The following NUDT3 variants were observed in gnomAD, a reference collection of about 807,000 sequenced individuals.
NUDT3 encodes diphosphoinositol polyphosphate phosphohydrolase 1.
In NUDT3, 9 loss-of-function variants were observed where a neutral mutation model predicts 23.6. That is an observed-to-expected ratio of 0.38 (90% CI 0.23 to 0.66). The LOEUF (loss-of-function observed/expected upper bound fraction) is 0.66. Ranked by LOEUF, NUDT3 falls within the 30% of genes least tolerant of loss-of-function variation. NUDT3 has a pLI of 0.52. For synonymous variants in NUDT3, 86 were observed against 82.6 expected (o/e 1.04, Z -0.22); for missense variants, 172 against 218.5 (o/e 0.79, Z 1.34).
At chr6:34,294,437 T>G (rs1252207974) in intron 3 of NUDT3, among the ~76,000 whole-genome samples, 4 of 151,892 alleles carry the variant, frequency 2.6e-5, no homozygotes, top group African/African-American at 9.7e-5. Context: ...TTAAAAAAAT[T>G]TATTTATTGC....
At chr6:34,359,435 C>T (rs148637785) in intron 1 of NUDT3, among the ~76,000 whole-genome samples, 108 of 152,240 alleles carry the variant, frequency 7.1e-4, no homozygotes, top group African/African-American at 2.6e-3. Flanking sequence ...CTGTCCCCAT[C>T]CTCCCACTTC....
chr6:34,390,445 T>C (rs1208730646), intron 1 of NUDT3, among the ~76,000 whole-genome samples: 3 of 152,076 alleles, frequency 2.0e-5, no homozygotes, highest in Admixed American at 6.6e-5. Context: ...TAACAGAAAA[T>C]GGAAAATTAA....
intron 2 of NUDT3, 136 bp from the exon 3 acceptor site, chr6:34,295,821 G>A: frequency 1.0e-6 from 1 of 965,738 alleles, no homozygotes; most frequent in Non-Finnish European, 1.5e-6. Context: ...GATCTGTGAA[G>A]TGATACCAGT....
intron 1 of NUDT3, among the ~76,000 whole-genome samples, chr6:34,377,093 G>A (rs1232977151): frequency 6.6e-5 from 10 of 152,084 alleles, no homozygotes; most frequent in Admixed American, 5.2e-4. Context: ...GAAGCACTCC[G>A]GAAGCACAGC....
chr6:34,300,583 C>T (rs924470618), intron 2 of NUDT3, among the ~76,000 whole-genome samples: 4 of 152,200 alleles, frequency 2.6e-5, no homozygotes, highest in Admixed American at 2.6e-4. Context: ...CCTGTACTTC[C>T]TTGTCAAGTG....
At chr6:34,348,036 T>C (rs974051622) in intron 1 of NUDT3, among the ~76,000 whole-genome samples, 1 of 151,918 alleles carries the variant, frequency 6.6e-6, no homozygotes, top group Admixed American at 6.6e-5. Flanking sequence ...CAGTGGCTCA[T>C]GCCTGTAATC....
intron 1 of NUDT3, among the ~76,000 whole-genome samples, chr6:34,345,919 C>A (rs934118176): frequency 6.6e-6 from 1 of 151,980 alleles, no homozygotes; most frequent in Non-Finnish European, 1.5e-5. Context: ...CAGGAATGCA[C>A]CACCACGCCC....
intron 2 of NUDT3, among the ~76,000 whole-genome samples, chr6:34,334,247 T>G (rs1200086198): frequency 6.6e-6 from 1 of 152,206 alleles, no homozygotes; most frequent in Non-Finnish European, 1.5e-5. Context: ...CACATTGCAG[T>G]TGCATTTCTG....
intron 1 of NUDT3, among the ~76,000 whole-genome samples, chr6:34,351,225 A>AAAAAC (rs1764469392): frequency 7.3e-6 from 1 of 136,188 alleles, no homozygotes; most frequent in Non-Finnish European, 1.5e-5. Context: ...AAAAAAAAAA[A>AAAAAC]ACACTTTGGG....
At chr6:34,388,629 T>C (rs1765148009) in intron 1 of NUDT3, among the ~76,000 whole-genome samples, 1 of 152,172 alleles carries the variant, frequency 6.6e-6, no homozygotes, top group African/African-American at 2.4e-5. Flanking sequence ...GATTATTCTG[T>C]GGTCCAAAAT....
In NUDT3 at chr6:34,292,161, A is replaced by C. The variant is rs574780557; in HGVS notation, c.340+1290T>G. Among the ~76,000 whole-genome samples the C allele has an allele frequency of 3.9e-5, 6 of 152,298 alleles. No homozygotes were observed. In the South Asian group the frequency reaches 1.2e-3, roughly 32 times the overall value. ...CACCGCAGTCTCCTTTTCAAGCTCT[A>C]GCACACCTGTTAGGGAGTCTGTTTT... is the stretch of plus-strand genomic sequence containing the variant. On this transcript the variant is annotated intron_variant, in intron 4 of 4. Transcript: ENST00000607016.
chr6:34,341,722 G>A (rs1446116988), intron 2 of NUDT3, 140 bp downstream of exon 2: 1 of 622,582 alleles, frequency 1.6e-6, no homozygotes, highest in Non-Finnish European at 2.6e-6. Context: ...GGTAATAAAG[G>A]AGGGACCGGA....
chr6:34,365,491 GA>G (rs1764713550), intron 1 of NUDT3, among the ~76,000 whole-genome samples: 1 of 152,248 alleles, frequency 6.6e-6, no homozygotes, highest in East Asian at 1.9e-4. Context: ...AAAAAGGAAT[GA>G]GATTCTGACA....
In NUDT3 at chr6:34,340,393, C is replaced by T. The variant is rs528208753; in HGVS notation, c.210+1469G>A. ...TTCATACTCATGTTCTCGTTTGAACCTCATATTCCCCTCCCCTCCCTCCAT... is the reference window on the plus strand; with the variant it reads ...TTCATACTCATGTTCTCGTTTGAACTTCATATTCCCCTCCCCTCCCTCCAT... On this transcript the variant is annotated intron_variant, in intron 2 of 4. Transcript: ENST00000607016. Among the ~76,000 whole-genome samples, 3 of 152,304 alleles carry T rather than the reference C, an allele frequency of 2.0e-5. 1 individual carries two copies. The South Asian group carries it at 6.2e-4, about 32-fold the overall frequency.
intron 2 of NUDT3, among the ~76,000 whole-genome samples, chr6:34,308,847 T>C (rs1763724606): frequency 6.6e-6 from 1 of 152,224 alleles, no homozygotes; most frequent in Non-Finnish European, 1.5e-5. Flanking sequence ...ATTATTACTG[T>C]TGGGGACTTC....
intron 2 of NUDT3, among the ~76,000 whole-genome samples, chr6:34,304,643 A>G (rs1032231698): frequency 2.6e-5 from 4 of 151,574 alleles, no homozygotes; most frequent in Admixed American, 2.6e-4. Context: ...TAGGTTTTCA[A>G]ATTTTTCTTT....
intron 2 of NUDT3, among the ~76,000 whole-genome samples, chr6:34,312,397 T>C (rs542788900): frequency 6.0e-5 from 8 of 133,762 alleles, no homozygotes; most frequent in African/African-American, 1.4e-4. Context: ...GTGAGACTCA[T>C]CACCAAAAAA....
At chr6:34,359,732 T>C (rs1191581238) in intron 1 of NUDT3, among the ~76,000 whole-genome samples, 1 of 152,218 alleles carries the variant, frequency 6.6e-6, no homozygotes, top group East Asian at 1.9e-4. Context: ...GTGCTGAACA[T>C]TCCTCTACAA....
intron 1 of NUDT3, among the ~76,000 whole-genome samples, chr6:34,352,389 C>G (rs1764492138): frequency 6.6e-6 from 1 of 152,174 alleles, no homozygotes; most frequent in South Asian, 2.1e-4. Context: ...AGGCTGGTCT[C>G]AAACTCCTGA....
Sources: gnomAD v4.1 joint callset for allele counts (sites outside exome capture counted in the v4.1 genomes callset) on GRCh38, gnomAD v4.1.1 for gene constraint, MANE v1.5 for transcripts, NCBI Gene and HGNC (gene_info 2026-07-23, HGNC 2026-07-21) for gene names.